Variants in CAMKMT observed in about 807,000 individuals in gnomAD.
The protein encoded by CAMKMT is CaM KMT.
CAMKMT carries 53 observed loss-of-function variants against 48.0 expected under a neutral mutation model. The observed-to-expected ratio is 1.10, with a 90% CI of 0.89 to 1.39. The LOEUF (loss-of-function observed/expected upper bound fraction) is 1.39. CAMKMT is among the 40% of genes most tolerant of loss of function. CAMKMT has a pLI of 0.00. For missense variants in CAMKMT, 428 were observed against 402.7 expected (o/e 1.06, Z -0.54); for synonymous variants, 165 against 152.3 (o/e 1.08, Z -0.61).
chr2:44,504,430 G>C (rs1462224916), intron 3 of CAMKMT, among the ~76,000 whole-genome samples: 1 of 152,070 alleles, frequency 6.6e-6, no homozygotes, highest in Non-Finnish European at 1.5e-5. Context: ...GCTCATAATT[G>C]GCTTACCTTA....
At chr2:44,757,554 A>G (rs1050218487) in intron 9 of CAMKMT, among the ~76,000 whole-genome samples, 6 of 149,808 alleles carry the variant, frequency 4.0e-5, no homozygotes, top group African/African-American at 1.5e-4. Flanking sequence ...TGGTAAATAC[A>G]GACTATGGGG....
chr2:44,441,077 A>G (rs1028741021), intron 3 of CAMKMT, among the ~76,000 whole-genome samples: 18 of 152,030 alleles, frequency 1.2e-4, no homozygotes, highest in African/African-American at 4.3e-4. Flanking sequence ...CTTCCCCTTA[A>G]TATATTCCTT....
intron 3 of CAMKMT, chr2:44,391,945 C>G (rs960519995): frequency 2.6e-5 from 4 of 152,602 alleles, no homozygotes; most frequent in Admixed American, 2.6e-4. Context: ...TGAAATTCAT[C>G]TTGAGCAATT....
At position 44,511,821 on chromosome 2, in the gene CAMKMT, A is replaced by G. The variant is rs1380019771; in HGVS notation, c.376+121516A>G. ...GTCCCTCACTTCAAGTGTTTACACAAATTTGACCTTGTTAGTGAGACCTCC... is the reference window on the plus strand; with the variant it reads ...GTCCCTCACTTCAAGTGTTTACACAGATTTGACCTTGTTAGTGAGACCTCC... On this transcript the variant is annotated intron_variant, in intron 3 of 10. Transcript: ENST00000378494. Among the ~76,000 whole-genome samples, 4 of 152,086 alleles carry G rather than the reference A, an allele frequency of 2.6e-5. No homozygotes were observed. The South Asian group carries it at 6.2e-4, about 24-fold the overall frequency.
At chr2:44,631,466 A>C (rs192458617) in intron 3 of CAMKMT, 123 of 601,668 alleles carry the variant, frequency 2.0e-4, no homozygotes, top group African/African-American at 1.9e-3. Flanking sequence ...AGAAAAAAAA[A>C]CAATTTTTTA....
intron 3 of CAMKMT, among the ~76,000 whole-genome samples, chr2:44,701,781 A>G (rs968049748): frequency 6.6e-6 from 1 of 152,192 alleles, no homozygotes; most frequent in Non-Finnish European, 1.5e-5. Flanking sequence ...ATAATGATGC[A>G]GGTAAAGTAC....
At chr2:44,624,312 A>G (rs914052850) in intron 3 of CAMKMT, among the ~76,000 whole-genome samples, 1 of 151,310 alleles carries the variant, frequency 6.6e-6, no homozygotes, top group African/African-American at 2.4e-5. Context: ...TCTTTTTTCT[A>G]TTTCAAATTT....
intron 3 of CAMKMT, among the ~76,000 whole-genome samples, chr2:44,541,689 G>A (rs1018657934): frequency 8.6e-5 from 13 of 150,518 alleles, no homozygotes; most frequent in Non-Finnish European, 1.9e-4. Context: ...GAGGATCACT[G>A]GGTCCCAGGA....
chr2:44,732,487 G>A (rs1045251294), intron 7 of CAMKMT, among the ~76,000 whole-genome samples: 12 of 152,200 alleles, frequency 7.9e-5, no homozygotes, highest in Non-Finnish European at 1.0e-4. Context: ...CTTCGCACAT[G>A]AATGTTATGC....
At chr2:44,463,676 C>G (rs1000875302) in intron 3 of CAMKMT, among the ~76,000 whole-genome samples, 3 of 152,062 alleles carry the variant, frequency 2.0e-5, no homozygotes, top group African/African-American at 7.2e-5. Context: ...GCACCAAGAA[C>G]CCTGCCAGTA....
intron 6 of CAMKMT, among the ~76,000 whole-genome samples, chr2:44,709,593 T>G (rs1160857722): frequency 1.3e-5 from 2 of 152,182 alleles, no homozygotes; most frequent in African/African-American, 4.8e-5. Context: ...GTCATCTGTT[T>G]TACTGACTGA....
At chr2:44,454,300 T>C (rs1440724928) in intron 3 of CAMKMT, among the ~76,000 whole-genome samples, 1 of 152,116 alleles carries the variant, frequency 6.6e-6, no homozygotes, top group Non-Finnish European at 1.5e-5. Context: ...GGTTCAACGT[T>C]GTGCATTGTG....
chr2:44,636,828 T>G (rs1169887276), intron 3 of CAMKMT, among the ~76,000 whole-genome samples: 2 of 152,148 alleles, frequency 1.3e-5, no homozygotes, highest in African/African-American at 2.4e-5. Flanking sequence ...TTTGTCGGTT[T>G]CCCCCCAACT....
At chr2:44,741,231 C>G (rs1679661155) in intron 7 of CAMKMT, among the ~76,000 whole-genome samples, 1 of 152,220 alleles carries the variant, frequency 6.6e-6, no homozygotes, top group Non-Finnish European at 1.5e-5. Flanking sequence ...GGTCCTCCCC[C>G]ACAGTGGAAG....
intron 3 of CAMKMT, among the ~76,000 whole-genome samples, chr2:44,438,950 C>G (rs1262117189): frequency 6.6e-6 from 1 of 152,126 alleles, no homozygotes; most frequent in African/African-American, 2.4e-5. Context: ...TTGGTTGGTG[C>G]CCTTTTTTGG....
At position 44,518,968 on chromosome 2, in the gene CAMKMT, G is replaced by A. The variant is rs146403968; in HGVS notation, c.376+128663G>A. Among the ~76,000 whole-genome samples, 597 of 152,278 alleles carry A rather than the reference G, an allele frequency of 3.9e-3. 5 individuals carry two copies. Among genetic ancestry groups the A allele is most frequent in the African/African-American group, 0.013 (561 of 41,560 alleles). ...ACCTACCATAATGATACTTCTTTCC[G>A]TGTTGTCGGTTCTTATTTTATAATG... On this transcript the variant is annotated intron_variant, in intron 3 of 10. Coordinates refer to ENST00000378494, the MANE Select transcript of CAMKMT (RefSeq NM_024766.5).
chr2:44,466,694 A>G (rs571936632), intron 3 of CAMKMT, among the ~76,000 whole-genome samples: 1 of 152,274 alleles, frequency 6.6e-6, no homozygotes, highest in East Asian at 1.9e-4. Flanking sequence ...AGAGAATAAA[A>G]ATGATTTTAA....
intron 3 of CAMKMT, among the ~76,000 whole-genome samples, chr2:44,525,785 C>T (rs768509078): frequency 6.6e-6 from 1 of 152,086 alleles, no homozygotes; most frequent in Non-Finnish European, 1.5e-5. Context: ...AGCTAAGATT[C>T]AAATCTGGAT....
At chr2:44,463,688 C>G (rs1206097271) in intron 3 of CAMKMT, among the ~76,000 whole-genome samples, 1 of 151,984 alleles carries the variant, frequency 6.6e-6, no homozygotes, top group Non-Finnish European at 1.5e-5. Context: ...CTGCCAGTAC[C>G]ACAGACAGGC....
Sources: gnomAD v4.1 joint callset for allele counts (sites outside exome capture counted in the v4.1 genomes callset) on GRCh38, gnomAD v4.1.1 for gene constraint, MANE v1.5 for transcripts, NCBI Gene and HGNC (gene_info 2026-07-23, HGNC 2026-07-21) for gene names.